Variants in GALNTL6 observed in about 807,000 individuals in gnomAD.
GALNTL6 encodes polypeptide N-acetylgalactosaminyltransferase like 6, also known as polypeptide N-acetylgalactosaminyltransferase-like 6.
In GALNTL6, 46 loss-of-function variants were observed where a neutral mutation model predicts 73.7. That is an observed-to-expected ratio of 0.62 (90% CI 0.49 to 0.80). The LOEUF is 0.80. Ranked by LOEUF, GALNTL6 falls within the 30% of genes least tolerant of loss-of-function variation. The pLI is 0.00. For missense variants in GALNTL6, 604 were observed against 755.0 expected (o/e 0.80, Z 2.34); for synonymous variants, 259 against 263.7 (o/e 0.98, Z 0.17).
chr4:172,607,006 C>A (rs1738329599), intron 5 of GALNTL6, among the ~76,000 whole-genome samples: 2 of 151,600 alleles, frequency 1.3e-5, no homozygotes, highest in African/African-American at 4.8e-5. Flanking sequence ...GTCTAGTAGT[C>A]AGTGGGAATG....
chr4:172,358,061 TTATC>T (rs1430224015), intron 5 of GALNTL6, among the ~76,000 whole-genome samples: 4 of 152,332 alleles, frequency 2.6e-5, no homozygotes, highest in African/African-American at 9.6e-5. Context: ...ATTTGTCCAT[TTATC>T]TGTCTATTTA....
chr4:172,606,662 AC>A (rs1270841983), intron 5 of GALNTL6, among the ~76,000 whole-genome samples: 776 of 45,098 alleles, frequency 0.017, 14 homozygotes, highest in African/African-American at 0.037. Context: ...GTATATATAT[AC>A]TATATATATA....
chr4:172,208,143 G>A (rs1372489465), intron 2 of GALNTL6, among the ~76,000 whole-genome samples: 1 of 152,178 alleles, frequency 6.6e-6, no homozygotes, highest in Non-Finnish European at 1.5e-5. Flanking sequence ...TACAAAGTGA[G>A]ACCTGTGACC....
chr4:172,027,532 C>T (rs1301875592), intron 2 of GALNTL6, among the ~76,000 whole-genome samples: 1 of 152,122 alleles, frequency 6.6e-6, no homozygotes, highest in Non-Finnish European at 1.5e-5. Flanking sequence ...GTCTCTCTCT[C>T]TCTCTTCAGG....
chr4:172,157,321 T>C (rs1402796343), intron 2 of GALNTL6, among the ~76,000 whole-genome samples: 4 of 152,206 alleles, frequency 2.6e-5, no homozygotes, highest in Admixed American at 2.6e-4. Flanking sequence ...AGGATTTGTT[T>C]TTATTACTGG....
intron 5 of GALNTL6, among the ~76,000 whole-genome samples, chr4:172,696,873 G>A (rs1733728788): frequency 6.6e-6 from 1 of 152,188 alleles, no homozygotes; most frequent in Non-Finnish European, 1.5e-5. Flanking sequence ...GAAAAGGAGA[G>A]ATGTTACTTA....
intron 10 of GALNTL6, among the ~76,000 whole-genome samples, chr4:172,962,243 T>C (rs544894416): frequency 2.0e-5 from 3 of 152,304 alleles, no homozygotes; most frequent in Admixed American, 6.5e-5. Context: ...AGGCAGGAAC[T>C]GGCCATCTGG....
intron 7 of GALNTL6, among the ~76,000 whole-genome samples, chr4:172,879,326 T>A (rs1745342128): frequency 6.6e-6 from 1 of 151,850 alleles, no homozygotes; most frequent in Non-Finnish European, 1.5e-5. Context: ...GGAATACACA[T>A]CCTTTTCAAA....
chr4:172,212,820 A>T (rs1020086107), intron 2 of GALNTL6, among the ~76,000 whole-genome samples: 1 of 152,078 alleles, frequency 6.6e-6, no homozygotes, highest in African/African-American at 2.4e-5. Flanking sequence ...GGCATGCACC[A>T]CCACGCCCGG....
chr4:172,741,520 T>C (rs1024087077), intron 5 of GALNTL6, among the ~76,000 whole-genome samples: 2 of 152,112 alleles, frequency 1.3e-5, no homozygotes, highest in African/African-American at 4.8e-5. Flanking sequence ...ACACATATAA[T>C]GTACTTTACA....
intron 3 of GALNTL6, among the ~76,000 whole-genome samples, chr4:172,234,890 T>C (rs1038678153): frequency 1.3e-5 from 2 of 152,158 alleles, no homozygotes; most frequent in Non-Finnish European, 1.5e-5. Flanking sequence ...GTGATCATTA[T>C]GGATTTTTTT....
At chr4:172,011,216 A>G (rs1740995553) in intron 2 of GALNTL6, among the ~76,000 whole-genome samples, 2 of 152,106 alleles carry the variant, frequency 1.3e-5, no homozygotes, top group South Asian at 4.1e-4. Context: ...GATCCAAATT[A>G]TCATACAGAA....
chr4:172,585,619 G>A (rs1308323360), intron 5 of GALNTL6, among the ~76,000 whole-genome samples: 1 of 152,116 alleles, frequency 6.6e-6, no homozygotes, highest in Admixed American at 6.5e-5. Flanking sequence ...GTATTCCATG[G>A]TGTATACGTG....
intron 5 of GALNTL6, among the ~76,000 whole-genome samples, chr4:172,485,664 C>G (rs535366735): frequency 6.6e-6 from 1 of 151,998 alleles, no homozygotes; most frequent in Non-Finnish European, 1.5e-5. Context: ...TTACATCATA[C>G]TATAAATGAG....
intron 1 of GALNTL6, among the ~76,000 whole-genome samples, 155 bp from the exon 2 acceptor site, chr4:171,814,257 G>A (rs1359549606): frequency 6.6e-6 from 1 of 152,132 alleles, no homozygotes; most frequent in Non-Finnish European, 1.5e-5. Context: ...CTTACCTTTA[G>A]TCAATGAAAC....
chr4:172,349,370 G>A (rs1741864136), intron 5 of GALNTL6, among the ~76,000 whole-genome samples: 1 of 151,928 alleles, frequency 6.6e-6, no homozygotes, highest in Non-Finnish European at 1.5e-5. Flanking sequence ...GCACGAAGGA[G>A]CTACACTTAA....
intron 5 of GALNTL6, among the ~76,000 whole-genome samples, chr4:172,442,912 G>A (rs1452101354): frequency 2.0e-5 from 3 of 151,722 alleles, no homozygotes; most frequent in Admixed American, 6.6e-5. Flanking sequence ...TCACAAGGAA[G>A]CTTTGCAAGC....
intron 5 of GALNTL6, among the ~76,000 whole-genome samples, chr4:172,416,834 C>T (rs1477116533): frequency 2.6e-5 from 4 of 152,064 alleles, no homozygotes; most frequent in Non-Finnish European, 4.4e-5. Context: ...AAATGAGTCT[C>T]CTTTCACACT....
At chr4:172,099,963 G>T (rs1361710650) in intron 2 of GALNTL6, among the ~76,000 whole-genome samples, 1 of 152,010 alleles carries the variant, frequency 6.6e-6, no homozygotes, top group Non-Finnish European at 1.5e-5. Context: ...CACTGAAAGA[G>T]GCAATTCATA....
Sources: gnomAD v4.1 joint callset for allele counts (sites outside exome capture counted in the v4.1 genomes callset) on GRCh38, gnomAD v4.1.1 for gene constraint, MANE v1.5 for transcripts, NCBI Gene and HGNC (gene_info 2026-07-23, HGNC 2026-07-21) for gene names.